The following ILRUN variants were observed in gnomAD, a reference collection of about 807,000 sequenced individuals.
ILRUN encodes protein ILRUN.
ILRUN carries 3 observed loss-of-function variants against 33.8 expected under a neutral mutation model. That is an observed-to-expected ratio of 0.09 (90% CI 0.04 to 0.23). The LOEUF (loss-of-function observed/expected upper bound fraction) is 0.23, where lower values mean the gene tolerates loss of function less well. Among genes scored for constraint, ILRUN ranks in the 10% least tolerant of loss-of-function variants. The probability of loss-of-function intolerance (pLI) is 1.00; values close to 1 mark genes in which losing one functional copy is unlikely to be tolerated. For missense variants in ILRUN, 210 were observed against 375.1 expected (o/e 0.56, Z 3.64); for synonymous variants, 124 against 138.9 (o/e 0.89, Z 0.75).
At chr6:34,659,433 T>C (rs1762842963) in intron 1 of ILRUN, among the ~76,000 whole-genome samples, 1 of 152,142 alleles carries the variant, frequency 6.6e-6, no homozygotes. Flanking sequence ...AGTTTTAACC[T>C]ACCCAGAATT....
At chr6:34,607,833 T>C (rs1314441354) in intron 3 of ILRUN, among the ~76,000 whole-genome samples, 2 of 152,196 alleles carry the variant, frequency 1.3e-5, no homozygotes. Flanking sequence ...ATTTCATGTC[T>C]GTAATCCTGG....
chr6:34,614,151 G>A (rs752775910), intron 3 of ILRUN, among the ~76,000 whole-genome samples: 9 of 152,048 alleles, frequency 5.9e-5, no homozygotes, highest in African/African-American at 1.9e-4. Flanking sequence ...GGCTGGGTGC[G>A]GTGGCTCACG....
chr6:34,593,014 G>A (rs1270693132), intron 4 of ILRUN, among the ~76,000 whole-genome samples: 2 of 151,962 alleles, frequency 1.3e-5, no homozygotes, highest in Non-Finnish European at 2.9e-5. Flanking sequence ...ATCTCCACGC[G>A]CAAATTTTTT....
chr6:34,623,458 A>G (rs1049484551), intron 3 of ILRUN, among the ~76,000 whole-genome samples: 5 of 152,314 alleles, frequency 3.3e-5, no homozygotes, highest in Non-Finnish European at 7.3e-5. Context: ...ACTCATGGAG[A>G]AAACACTTCC....
intron 4 of ILRUN, among the ~76,000 whole-genome samples, chr6:34,604,716 G>A (rs1002338551): frequency 5.9e-5 from 9 of 152,152 alleles, no homozygotes; most frequent in Non-Finnish European, 8.8e-5. Flanking sequence ...AGAGTGTTAA[G>A]ATGTGAAACG....
intron 3 of ILRUN, among the ~76,000 whole-genome samples, chr6:34,627,548 T>A (rs1445188133): frequency 1.3e-5 from 2 of 152,228 alleles, no homozygotes; most frequent in Non-Finnish European, 2.9e-5. Context: ...GCGTTTGGGA[T>A]TATGGCCATC....
intron 3 of ILRUN, among the ~76,000 whole-genome samples, chr6:34,612,713 C>A (rs906389667): frequency 6.6e-6 from 1 of 152,126 alleles, no homozygotes; most frequent in Non-Finnish European, 1.5e-5. Flanking sequence ...TCCAGATCAG[C>A]CTGGGCAACA....
intron 1 of ILRUN, among the ~76,000 whole-genome samples, chr6:34,687,698 C>CA (rs35852723): frequency 0.33 from 40,750 of 124,190 alleles, 7,108 homozygotes; most frequent in African/African-American, 0.49. Context: ...ACTCCATCTC[C>CA]AAAAAAAAAA....
At chr6:34,662,732 T>C (rs1053686052) in intron 1 of ILRUN, among the ~76,000 whole-genome samples, 8 of 152,188 alleles carry the variant, frequency 5.3e-5, no homozygotes, top group African/African-American at 1.9e-4. Flanking sequence ...GGAGATTGTT[T>C]GCAAAATGAC....
chr6:34,637,501 A>G (rs1451829594), intron 3 of ILRUN, among the ~76,000 whole-genome samples: 5 of 152,178 alleles, frequency 3.3e-5, no homozygotes, highest in Non-Finnish European at 5.9e-5. Flanking sequence ...TACCATGAGT[A>G]AAAAAAGGTG....
intron 3 of ILRUN, among the ~76,000 whole-genome samples, chr6:34,612,060 A>AC (rs1307537740): frequency 1.3e-5 from 2 of 152,210 alleles, no homozygotes; most frequent in Non-Finnish European, 2.9e-5. Flanking sequence ...CACAATGAGG[A>AC]CTTAGTAAGC....
At chr6:34,652,993 A>C (rs1174535020) in intron 2 of ILRUN, among the ~76,000 whole-genome samples, 1 of 151,902 alleles carries the variant, frequency 6.6e-6, no homozygotes, top group Non-Finnish European at 1.5e-5. Context: ...ACTTTAAAAA[A>C]TTAGCCAGGC....
intron 1 of ILRUN, among the ~76,000 whole-genome samples, chr6:34,692,370 C>T (rs1354969337): frequency 6.6e-6 from 1 of 152,186 alleles, no homozygotes; most frequent in Non-Finnish European, 1.5e-5. Context: ...CAACCCGAAG[C>T]AGGCACTTAT....
chr6:34,606,516 GC>G (rs771780698), intron 4 of ILRUN, 38 bp downstream of exon 4: 1 of 1,548,218 alleles, frequency 6.5e-7, no homozygotes, highest in Admixed American at 1.7e-5. Flanking sequence ...AAGTCCCAAG[GC>G]CCACCACCTA....
At chr6:34,653,147 AAAAAG>A (rs1481441078) in intron 2 of ILRUN, among the ~76,000 whole-genome samples, 5 of 145,808 alleles carry the variant, frequency 3.4e-5, no homozygotes, top group African/African-American at 1.0e-4. Context: ...AAAAAAAAAA[AAAAAG>A]AAAAAGAAAG....
chr6:34,614,456 A>ATATATATATATATATATATAT, intron 3 of ILRUN, among the ~76,000 whole-genome samples: 1 of 139,084 alleles, frequency 7.2e-6, no homozygotes, highest in Non-Finnish European at 1.5e-5. Context: ...ATATATATAT[A>ATATATATATATATATATATAT]AAATGTATAT....
chr6:34,689,673 A>G (rs1267524209), intron 1 of ILRUN, among the ~76,000 whole-genome samples: 1 of 152,150 alleles, frequency 6.6e-6, no homozygotes, highest in East Asian at 1.9e-4. Context: ...AAATGGATTA[A>G]CAGGCAAAGA....
At chr6:34,621,457 G>GGCTGTTACCACCTGAATCCTTTAATCTA (rs1174666509) in intron 3 of ILRUN, among the ~76,000 whole-genome samples, 71 of 152,306 alleles carry the variant, frequency 4.7e-4, no homozygotes, top group Non-Finnish European at 8.8e-4. Flanking sequence ...GGAGGGATCA[G>GGCTGTTACCACCTGAATCCTTTAATCTA]GCTGTTACCA....
chr6:34,595,960 C>T (rs1731996237), intron 4 of ILRUN: 1 of 971,278 alleles, frequency 1.0e-6, no homozygotes, highest in Admixed American at 6.2e-5. Context: ...TGAATGCAAA[C>T]ACAGAAGAAT....
Sources: gnomAD v4.1 joint callset for allele counts (sites outside exome capture counted in the v4.1 genomes callset) on GRCh38, gnomAD v4.1.1 for gene constraint, MANE v1.5 for transcripts, NCBI Gene and HGNC (gene_info 2026-07-23, HGNC 2026-07-21) for gene names.